RGS5: variants seen among roughly 807,000 people sequenced by gnomAD.
RGS5 encodes regulator of G-protein signalling 5.
In RGS5, 20 loss-of-function variants were observed where a neutral mutation model predicts 18.9. The ratio of observed to expected loss-of-function variants is 1.06; its 90% CI spans 0.74 to 1.54. The LOEUF is 1.54. Among genes scored for constraint, RGS5 ranks in the 40% most tolerant of loss-of-function variants. The pLI is 0.00. For missense variants in RGS5, 201 were observed against 211.8 expected (o/e 0.95, Z 0.32); for synonymous variants, 57 against 76.2 (o/e 0.75, Z 1.31).
intron 1 of RGS5, among the ~76,000 whole-genome samples, chr1:163,196,273 A>G (rs1659561930): frequency 6.6e-6 from 1 of 152,148 alleles, no homozygotes; most frequent in African/African-American, 2.4e-5. Context: ...TCCTGTTACT[A>G]ATGACTGATC....
intron 1 of RGS5, among the ~76,000 whole-genome samples, chr1:163,177,081 C>T (rs527376592): frequency 5.9e-5 from 9 of 152,300 alleles, no homozygotes; most frequent in Admixed American, 4.6e-4. Flanking sequence ...AGTGTTTACA[C>T]GTAGGCTTGT....
At position 163,147,223 on chromosome 1, in the gene RGS5, T is replaced by C; in HGVS notation, c.*119A>G. 9.3e-7 allele frequency: 1 copy of C among 1,080,410 alleles called. No individual in the cohort carries two copies. 66.9% of individuals were successfully genotyped at this position (1,080,410 alleles called of 1,614,324 possible). On this transcript the variant is annotated 3_prime_UTR_variant, in exon 5 of 5. Transcript: ENST00000313961. ...AGAGTAAGCAACATCCCCTGGGATT[T>C]TTCCCATGTGGGTATCACTGAGCAA...
chr1:163,256,707 C>G (rs566944638), intron 2 of RGS5, among the ~76,000 whole-genome samples: 2 of 152,202 alleles, frequency 1.3e-5, no homozygotes, highest in South Asian at 4.1e-4. Context: ...TCTATAGATA[C>G]AGAGAGAAGA....
chr1:163,252,338 G>T (rs1453109403), intron 2 of RGS5, among the ~76,000 whole-genome samples: 1 of 152,070 alleles, frequency 6.6e-6, no homozygotes, highest in Non-Finnish European at 1.5e-5. Context: ...AAAGTCTTTT[G>T]TTAGGTATTT....
At chr1:163,172,533 AT>A in intron 1 of RGS5, 4 of 1,544,378 alleles carry the variant, frequency 2.6e-6, no homozygotes, top group Non-Finnish European at 3.5e-6. Flanking sequence ...ATCGTATTCC[AT>A]TTCTTCAGAG....
At chr1:163,316,073 T>G (rs1377136831) in intron 1 of RGS5, among the ~76,000 whole-genome samples, 1 of 152,188 alleles carries the variant, frequency 6.6e-6, no homozygotes, top group African/African-American at 2.4e-5. Context: ...GCCTCAACCA[T>G]TTATATAAAA....
intron 2 of RGS5, among the ~76,000 whole-genome samples, chr1:163,276,479 A>G (rs985515331): frequency 6.6e-6 from 1 of 152,232 alleles, no homozygotes; most frequent in Non-Finnish European, 1.5e-5. Flanking sequence ...ACGTTCGTAT[A>G]TCTAATTGCT....
intron 3 of RGS5, among the ~76,000 whole-genome samples, chr1:163,154,737 A>C (rs1162621894): frequency 6.6e-6 from 1 of 151,726 alleles, no homozygotes; most frequent in Non-Finnish European, 1.5e-5. Context: ...GTGACACGAG[A>C]GTTAGCATAA....
At chr1:163,227,458 G>A (rs1450395934) in intron 2 of RGS5, among the ~76,000 whole-genome samples, 1 of 152,118 alleles carries the variant, frequency 6.6e-6, no homozygotes, top group African/African-American at 2.4e-5. Context: ...CACGAGAACA[G>A]CATGGGGGAA....
intron 1 of RGS5, among the ~76,000 whole-genome samples, chr1:163,175,640 C>T (rs985882355): frequency 6.6e-6 from 1 of 152,158 alleles, no homozygotes; most frequent in East Asian, 1.9e-4. Flanking sequence ...ACCATCTACC[C>T]TATTTCTGAA....
At chr1:163,261,679 T>C (rs558325582) in intron 2 of RGS5, among the ~76,000 whole-genome samples, 26 of 152,270 alleles carry the variant, frequency 1.7e-4, no homozygotes, top group African/African-American at 6.0e-4. Flanking sequence ...CTCCATTCTT[T>C]CCTGAAAGGT....
chr1:163,147,072 T>C lies in RGS5; in HGVS notation c.*270A>G, dbSNP rs1657158495. The C allele has an allele frequency of 2.8e-5, 8 of 283,966 alleles. No individual in the cohort carries two copies. In the East Asian group the frequency reaches 5.1e-4, roughly 18 times the overall value. 17.6% of individuals were successfully genotyped at this position (283,966 alleles called of 1,614,324 possible). On this transcript the variant is annotated 3_prime_UTR_variant, in exon 5 of 5. Transcript: ENST00000313961. Reference sequence around the variant, plus strand: ...ATTTCTTTGCCTTAGGCAGGATTTTTCTGTGATTCTGATTGTGTCTGACTA... The same window carrying C: ...ATTTCTTTGCCTTAGGCAGGATTTTCCTGTGATTCTGATTGTGTCTGACTA...
chr1:163,150,330 T>C (rs1657324298), intron 4 of RGS5, among the ~76,000 whole-genome samples: 2 of 152,212 alleles, frequency 1.3e-5, no homozygotes, highest in South Asian at 2.1e-4. Context: ...TAACCAATAA[T>C]GTTTTCCCAG....
chr1:163,209,280 T>A (rs1343392282), intron 1 of RGS5, among the ~76,000 whole-genome samples: 1 of 152,186 alleles, frequency 6.6e-6, no homozygotes, highest in Non-Finnish European at 1.5e-5. Flanking sequence ...TCCACCAGTA[T>A]ATTTGTCCTT....
chr1:163,264,049 CTG>C (rs1485264566), intron 2 of RGS5, among the ~76,000 whole-genome samples: 1 of 151,964 alleles, frequency 6.6e-6, no homozygotes, highest in Non-Finnish European at 1.5e-5. Flanking sequence ...TTGGCACAAA[CTG>C]GGGGAAATTC....
chr1:163,193,072 C>T (rs1167323769), intron 1 of RGS5, among the ~76,000 whole-genome samples: 1 of 152,184 alleles, frequency 6.6e-6, no homozygotes, highest in African/African-American at 2.4e-5. Flanking sequence ...ATAACAAACA[C>T]TTGCAAAGGA....
upstream of RGS5, among the ~76,000 whole-genome samples, chr1:163,206,436 C>T (rs911105793): frequency 9.2e-5 from 14 of 152,106 alleles, no homozygotes; most frequent in African/African-American, 3.4e-4. Flanking sequence ...TTTCATCACA[C>T]TTAGTACCTG....
chr1:163,296,647 G>A (rs1649425224), intron 2 of RGS5, among the ~76,000 whole-genome samples: 1 of 152,090 alleles, frequency 6.6e-6, no homozygotes, highest in African/African-American at 2.4e-5. Context: ...CTAGGTTATA[G>A]TTTATTCTAA....
In RGS5 at chr1:163,179,073, A is replaced by C. The variant is rs1658689709; in HGVS notation, c.45-10705T>G. Among the ~76,000 whole-genome samples the C allele has an allele frequency of 2.0e-5, 3 of 152,254 alleles. No individual in the cohort carries two copies. The South Asian group carries it at 6.2e-4, about 32-fold the overall frequency. ...TTATGTAACTGGAAGCTTGTAAAGC[A>C]AATACGATACACGTTAAAAAGACTG... On this transcript the variant is annotated intron_variant, in intron 1 of 4. Transcript: ENST00000313961.
Sources: gnomAD v4.1 joint callset for allele counts (sites outside exome capture counted in the v4.1 genomes callset) on GRCh38, gnomAD v4.1.1 for gene constraint, MANE v1.5 for transcripts, NCBI Gene and HGNC (gene_info 2026-07-23, HGNC 2026-07-21) for gene names.